The following EHBP1 variants were observed in gnomAD, a reference collection of about 807,000 sequenced individuals.
The protein encoded by EHBP1 is EH domain-binding protein 1.
A neutral mutation model predicts 144.0 loss-of-function variants in EHBP1; 55 were observed. The ratio of observed to expected loss-of-function variants is 0.38; its 90% CI spans 0.31 to 0.48. The LOEUF (loss-of-function observed/expected upper bound fraction) is 0.48. EHBP1 is among the 20% of genes least tolerant of loss of function. The pLI is 0.98. For synonymous variants in EHBP1, 469 were observed against 472.7 expected (o/e 0.99, Z 0.10); for missense variants, 1,200 against 1,364.2 (o/e 0.88, Z 1.90).
At chr2:62,833,245 A>G (rs1031331009) in intron 7 of EHBP1, among the ~76,000 whole-genome samples, 2 of 152,248 alleles carry the variant, frequency 1.3e-5, no homozygotes, top group Non-Finnish European at 2.9e-5. Context: ...AGGTTGGTTC[A>G]TAAGGTTTAA....
At chr2:62,863,369 G>A (rs1293273871) in intron 8 of EHBP1, among the ~76,000 whole-genome samples, 1 of 152,110 alleles carries the variant, frequency 6.6e-6, no homozygotes, top group Non-Finnish European at 1.5e-5. Flanking sequence ...CGAGGCAGGT[G>A]GATCATTGAG....
chr2:62,817,638 T>G (rs898714534), intron 5 of EHBP1, among the ~76,000 whole-genome samples: 3 of 152,168 alleles, frequency 2.0e-5, no homozygotes, highest in Non-Finnish European at 1.5e-5. Flanking sequence ...GTTTCTGTGT[T>G]CAGAATAATT....
chr2:62,839,343 A>C (rs1214506279), intron 7 of EHBP1, among the ~76,000 whole-genome samples: 2 of 142,558 alleles, frequency 1.4e-5, no homozygotes. Context: ...GACGTATTTC[A>C]AAATAATAAG....
intron 19 of EHBP1, among the ~76,000 whole-genome samples, chr2:63,022,704 G>A (rs538265970): frequency 6.6e-6 from 1 of 152,220 alleles, no homozygotes; most frequent in Admixed American, 6.5e-5. Context: ...TAGGCCTGTA[G>A]GTGGTTTGCA....
At chr2:62,788,160 CAAT>C (rs200974556) in intron 5 of EHBP1, among the ~76,000 whole-genome samples, 2,307 of 152,044 alleles carry the variant, frequency 0.015, 28 homozygotes, top group Non-Finnish European at 0.019. Context: ...TGTAATTATA[CAAT>C]AATTCTGTAA....
intron 4 of EHBP1, among the ~76,000 whole-genome samples, chr2:62,766,331 A>C (rs2041185645): frequency 6.6e-6 from 1 of 152,172 alleles, no homozygotes; most frequent in African/African-American, 2.4e-5. Flanking sequence ...ATCTTGAAAT[A>C]GCCTAGGTAC....
intron 7 of EHBP1, among the ~76,000 whole-genome samples, chr2:62,858,088 G>A (rs1026203850): frequency 2.0e-5 from 3 of 152,062 alleles, no homozygotes; most frequent in Non-Finnish European, 4.4e-5. Flanking sequence ...TTAAAGCACA[G>A]CTCTATTTTG....
chr2:62,734,094 G>A (rs1423076577), intron 2 of EHBP1, among the ~76,000 whole-genome samples: 2 of 152,164 alleles, frequency 1.3e-5, no homozygotes, highest in Non-Finnish European at 2.9e-5. Context: ...TGCTTGACTG[G>A]AAAGTAGAAG....
At position 62,826,165 on chromosome 2, in the gene EHBP1, C is replaced by G. The variant is rs1457677669; in HGVS notation, c.391C>G (p.Gln131Glu). The G allele has an allele frequency of 6.2e-7, 1 of 1,610,820 alleles. No homozygotes were observed. The highest frequency in any genetic ancestry group is 1.3e-5 in the African/African-American group (1 of 74,690). ...ACAGTATGCAAGCCCTATGCCAACT[C>G]AGACTGATGTCAAGTTAAAATTCAA... ...MKQYASPMPT[Q>E]TDVKLKFKPL... The change falls in exon 6 of 23, where the codon CAG (glutamine) becomes GAG (glutamate). Residue 131 changes from glutamine (Q) to glutamate (E), a missense_variant. Physicochemically the swap from Gln to Glu is conservative, Grantham distance 29. Around this residue, in one of 6 missense-constraint regions of EHBP1, gnomAD observed 137 missense variants for 190.1 expected, o/e 0.72. Transcript: ENST00000431489.
chr2:63,002,450 A>G (rs2059886143), intron 19 of EHBP1, among the ~76,000 whole-genome samples: 1 of 152,118 alleles, frequency 6.6e-6, no homozygotes, highest in Non-Finnish European at 1.5e-5. Context: ...TTAAAAAAGT[A>G]TAGTTTCTCA....
chr2:63,003,863 C>T (rs1246924953), intron 19 of EHBP1, among the ~76,000 whole-genome samples: 3 of 152,002 alleles, frequency 2.0e-5, no homozygotes, highest in Non-Finnish European at 4.4e-5. Flanking sequence ...ATTTACATTT[C>T]CACTATGTAA....
At chr2:62,840,336 A>G (rs2047705447) in intron 7 of EHBP1, among the ~76,000 whole-genome samples, 1 of 129,796 alleles carries the variant, frequency 7.7e-6, no homozygotes, top group Non-Finnish European at 1.7e-5. Flanking sequence ...ACAAAAATCA[A>G]TTCAAGATGG....
At chr2:62,891,330 C>G (rs974811298) in intron 10 of EHBP1, among the ~76,000 whole-genome samples, 5 of 152,078 alleles carry the variant, frequency 3.3e-5, no homozygotes, top group Non-Finnish European at 7.4e-5. Context: ...CTCCTGTAAT[C>G]ATTTCTATGA....
chr2:62,942,031 C>T (rs75952682), intron 10 of EHBP1, among the ~76,000 whole-genome samples: 12,669 of 152,058 alleles, frequency 0.083, 745 homozygotes, highest in Non-Finnish European at 0.13. Flanking sequence ...ATTTAAAACA[C>T]ACACACTACT....
chr2:62,791,033 A>G lies in EHBP1; in HGVS notation c.312+19641A>G, dbSNP rs540227216. Among the ~76,000 whole-genome samples, 7 of 152,206 alleles carry G rather than the reference A, an allele frequency of 4.6e-5. No homozygotes were observed. The South Asian group carries it at 1.0e-3, about 23-fold the overall frequency. ...TCACAGAAATTTAGAGCTAGAAGAA[A>G]ACTTAGAAATCATAAAATTCTCCTT... On this transcript the variant is annotated intron_variant, in intron 5 of 22. Transcript: ENST00000431489.
intron 2 of EHBP1, among the ~76,000 whole-genome samples, chr2:62,744,472 C>T (rs551727634): frequency 6.6e-6 from 1 of 151,980 alleles, no homozygotes; most frequent in Admixed American, 6.6e-5. Flanking sequence ...TTCTTGGTGC[C>T]CTTCTATTGA....
intron 10 of EHBP1, among the ~76,000 whole-genome samples, chr2:62,893,060 ATTT>A (rs962308803): frequency 3.3e-5 from 5 of 152,184 alleles, no homozygotes; most frequent in African/African-American, 1.2e-4. Context: ...AAGAAATATT[ATTT>A]TTATCTGAAT....
intron 14 of EHBP1, among the ~76,000 whole-genome samples, chr2:62,967,750 A>C (rs559313735): frequency 6.6e-6 from 1 of 152,352 alleles, no homozygotes; most frequent in Non-Finnish European, 1.5e-5. Context: ...AAAAATTCCA[A>C]AACATAGTTA....
chr2:63,045,072 A>G lies in EHBP1; in HGVS notation c.3284A>G (p.Gln1095Arg). 2 of 1,559,122 alleles carry G rather than the reference A, an allele frequency of 1.3e-6. No individual in the cohort carries two copies. Among genetic ancestry groups the G allele is most frequent in the Non-Finnish European group, 8.7e-7 (1 of 1,150,108 alleles). The change falls in exon 22 of 23, where the codon CAG (glutamine) becomes CGG (arginine). Residue 1095 changes from glutamine (Q) to arginine (R), a missense_variant. Gln to Arg is a conservative substitution (Grantham distance 43). Around this residue, in one of 6 missense-constraint regions of EHBP1, gnomAD observed 149 missense variants for 217.0 expected, o/e 0.69. Coordinates refer to ENST00000431489, the MANE Select transcript of EHBP1 (RefSeq NM_001142616.3). This position sits in a 1 kb window ranked among gnomAD's most constrained non-coding sequence, Gnocchi z 5.7. ...LRAMLAIEDW[Q>R]KTEAQKRREQ... Reference sequence around the variant, plus strand: ...AGCCTCCCGTCTTCTGCAGACTGGCAGAAGACCGAGGCCCAGAAGCGACGC... The same window carrying G: ...AGCCTCCCGTCTTCTGCAGACTGGCGGAAGACCGAGGCCCAGAAGCGACGC...
Sources: allele counts gnomAD v4.1 joint callset (sites outside exome capture counted in the v4.1 genomes callset), GRCh38; gene constraint gnomAD v4.1.1; regional missense constraint gnomAD v4.1.1; non-coding constraint Gnocchi (gnomAD v3.1); transcripts MANE v1.5; gene names NCBI Gene and HGNC (gene_info 2026-07-23, HGNC 2026-07-21).